LARP1: variants seen among roughly 807,000 people sequenced by gnomAD.
LARP1 encodes la-related protein 1.
In LARP1, 36 loss-of-function variants were observed where a neutral mutation model predicts 122.7. That is an observed-to-expected ratio of 0.29 (90% CI 0.22 to 0.39). The LOEUF (loss-of-function observed/expected upper bound fraction) is 0.39. Among genes scored for constraint, LARP1 ranks in the 10% least tolerant of loss-of-function variants. The probability of loss-of-function intolerance (pLI) is 1.00; values close to 1 mark genes in which losing one functional copy is unlikely to be tolerated. For missense variants in LARP1, 1,040 were observed against 1,403.6 expected (o/e 0.74, Z 4.14); for synonymous variants, 539 against 528.7 (o/e 1.02, Z -0.27).
intron 1 of LARP1, among the ~76,000 whole-genome samples, chr5:154,749,670 T>C (rs1231953992): frequency 1.3e-5 from 2 of 152,230 alleles, no homozygotes; most frequent in Non-Finnish European, 2.9e-5. Flanking sequence ...CAGCTGGCAC[T>C]GTTTTTTTTG....
chr5:154,784,723 T>C (rs1002596036), intron 1 of LARP1, among the ~76,000 whole-genome samples: 3 of 152,226 alleles, frequency 2.0e-5, no homozygotes, highest in Non-Finnish European at 4.4e-5. Context: ...TACTGTGACC[T>C]GATGAGTTTG....
intron 4 of LARP1, among the ~76,000 whole-genome samples, chr5:154,793,051 T>A (rs975293708): frequency 1.3e-5 from 2 of 152,188 alleles, no homozygotes; most frequent in Non-Finnish European, 2.9e-5. Flanking sequence ...AGATAAAACT[T>A]TCTTTCTTTG....
At chr5:154,790,537 G>A (rs1346996666) in intron 2 of LARP1, 108 bp from the exon 3 acceptor site, 6 of 1,346,526 alleles carry the variant, frequency 4.5e-6, no homozygotes, top group Non-Finnish European at 5.3e-6. Context: ...GAATGGTCCT[G>A]GTGAACAGAC....
Position 154,802,263 on chromosome 5 carries a change from G to A in LARP1, c.1973G>A (p.Gly658Glu), listed in dbSNP as rs367732054. The change falls in exon 11 of 19, where the codon GGG becomes GAG. Residue 658 changes from glycine (G) to glutamate (E), a missense_variant. By Grantham distance (98) the Gly-to-Glu change is moderately conservative. This residue lies in a region of LARP1 where 362 missense variants were observed against 533.1 expected (regional missense o/e 0.68). Transcript: ENST00000518297. The surrounding 1 kb of genome is among the most constrained non-coding windows in gnomAD (Gnocchi z 5.1). ...QTPHYMRRHP[G>E]GDRTGNHTSR... ...CCACATTACATGCGCCGGCACCCAG[G>A]GGGGGACCGCACAGGCAACCACACC... 1 of 1,614,036 alleles carries A rather than the reference G, an allele frequency of 6.2e-7. No homozygotes were observed. Among genetic ancestry groups the A allele is most frequent in the African/African-American group, 1.3e-5 (1 of 74,902 alleles).
intron 1 of LARP1, among the ~76,000 whole-genome samples, chr5:154,787,066 A>G (rs1213398633): frequency 6.6e-6 from 1 of 152,030 alleles, no homozygotes; most frequent in African/African-American, 2.4e-5. Context: ...TTTAGTAGAG[A>G]TGGGGTTTCT....
intron 1 of LARP1, among the ~76,000 whole-genome samples, chr5:154,775,628 T>C (rs909875178): frequency 4.6e-5 from 7 of 152,208 alleles, no homozygotes; most frequent in African/African-American, 1.7e-4. Context: ...TTTACTCACA[T>C]CATTCCCTTT....
At chr5:154,746,249 C>T (rs945220425) in intron 1 of LARP1, among the ~76,000 whole-genome samples, 6 of 151,852 alleles carry the variant, frequency 4.0e-5, no homozygotes, top group Non-Finnish European at 7.4e-5. Flanking sequence ...ATTGTTTCCA[C>T]ACTAGTCTCT....
intron 4 of LARP1, 87 bp from the exon 5 acceptor site, chr5:154,793,508 C>A: frequency 6.4e-7 from 1 of 1,560,962 alleles, no homozygotes; most frequent in Non-Finnish European, 8.8e-7. Flanking sequence ...GGGCCCAAGT[C>A]CAGGGCAGAA....
At chr5:154,691,320 C>G (rs1754196628) in intron 1 of LARP1, among the ~76,000 whole-genome samples, 1 of 151,696 alleles carries the variant, frequency 6.6e-6, no homozygotes, top group Admixed American at 6.6e-5. Flanking sequence ...AGCCCGAGTT[C>G]TAGTCCTACC....
chr5:154,745,682 C>T (rs1753149667), intron 1 of LARP1, among the ~76,000 whole-genome samples: 1 of 152,202 alleles, frequency 6.6e-6, no homozygotes, highest in Non-Finnish European at 1.5e-5. Context: ...TTTTACCCAG[C>T]CATTCCCTTT....
At chr5:154,755,145 G>A (rs1183870359), upstream of LARP1, among the ~76,000 whole-genome samples, 11 of 151,558 alleles carry the variant, frequency 7.3e-5, no homozygotes, top group African/African-American at 2.4e-4. Flanking sequence ...CCCCCAGCCC[G>A]GGAGGTGCTC....
chr5:154,742,110 G>A (rs974754600), intron 1 of LARP1, among the ~76,000 whole-genome samples: 6 of 152,328 alleles, frequency 3.9e-5, no homozygotes, highest in Non-Finnish European at 7.4e-5. Flanking sequence ...CAGTTAGGCA[G>A]CCCCATCAAC....
chr5:154,763,286 T>A (rs560618267), intron 1 of LARP1, among the ~76,000 whole-genome samples: 2 of 152,172 alleles, frequency 1.3e-5, no homozygotes, highest in Non-Finnish European at 2.9e-5. Context: ...GGTCTCGAAC[T>A]CCTGACCTCA....
chr5:154,747,623 G>A (rs1393231649), intron 1 of LARP1, among the ~76,000 whole-genome samples: 1 of 152,126 alleles, frequency 6.6e-6, no homozygotes, highest in Non-Finnish European at 1.5e-5. Flanking sequence ...CTTGAACCTG[G>A]GAGGCGGAGG....
intron 1 of LARP1, among the ~76,000 whole-genome samples, chr5:154,737,972 G>A (rs1465644678): frequency 2.6e-5 from 4 of 151,946 alleles, no homozygotes; most frequent in African/African-American, 7.3e-5. Flanking sequence ...CTTCATCTCC[G>A]GGCCCTCAGT....
Position 154,811,616 on chromosome 5 carries a change from A to T in LARP1, c.3057A>T (p.Arg1019=). The T allele has an allele frequency of 6.2e-7, 1 of 1,614,182 alleles. No individual in the cohort carries two copies. Among genetic ancestry groups the T allele is most frequent in the Non-Finnish European group, 8.5e-7 (1 of 1,180,032 alleles). ...PKLQEYLGKF[R]RLEDFRVDPP... Reference sequence around the variant, plus strand: ...TGCAAGAATACCTCGGCAAATTCCGACGTCTTGAAGACTTCCGAGTAGATG... The same window carrying T: ...TGCAAGAATACCTCGGCAAATTCCGTCGTCTTGAAGACTTCCGAGTAGATG... Residue 1019 remains arginine, a synonymous_variant, in exon 18 of 19, where the codon CGA becomes CGT. Coordinates refer to ENST00000518297, the MANE Select transcript of LARP1 (RefSeq NM_033551.3).
chr5:154,689,191 C>T (rs1051714016), intron 1 of LARP1, among the ~76,000 whole-genome samples: 3 of 151,898 alleles, frequency 2.0e-5, no homozygotes, highest in East Asian at 1.9e-4. Context: ...CGGTGGCTCA[C>T]GCCTGTAATC....
chr5:154,684,313 C>T (rs1753823972), intron 1 of LARP1, among the ~76,000 whole-genome samples: 1 of 152,006 alleles, frequency 6.6e-6, no homozygotes, highest in Non-Finnish European at 1.5e-5. Flanking sequence ...GGCGTGGTGG[C>T]CTGTGCCAGC....
chr5:154,729,011 C>T (rs1356322699), intron 1 of LARP1, among the ~76,000 whole-genome samples: 2 of 152,114 alleles, frequency 1.3e-5, no homozygotes, highest in Non-Finnish European at 2.9e-5. Context: ...GCTACATAAG[C>T]ACTTGAGAGG....
Sources: allele counts gnomAD v4.1 joint callset (sites outside exome capture counted in the v4.1 genomes callset), GRCh38; gene constraint gnomAD v4.1.1; regional missense constraint gnomAD v4.1.1; non-coding constraint Gnocchi (gnomAD v3.1); transcripts MANE v1.5; gene names NCBI Gene and HGNC (gene_info 2026-07-23, HGNC 2026-07-21).